The following CDKAL1 variants were observed in gnomAD, a reference collection of about 807,000 sequenced individuals.
CDKAL1 encodes threonylcarbamoyladenosine tRNA methylthiotransferase.
A neutral mutation model predicts 68.2 loss-of-function variants in CDKAL1; 32 were observed. The ratio of observed to expected loss-of-function variants is 0.47; its 90% CI spans 0.35 to 0.63. The LOEUF is 0.63. Among genes scored for constraint, CDKAL1 ranks in the 30% least tolerant of loss-of-function variants. The probability of loss-of-function intolerance (pLI) is 0.00; values close to 1 mark genes in which losing one functional copy is unlikely to be tolerated. For missense variants in CDKAL1, 606 were observed against 696.7 expected (o/e 0.87, Z 1.47); for synonymous variants, 234 against 244.3 (o/e 0.96, Z 0.39).
chr6:21,031,288 C>T (rs1036645391), intron 11 of CDKAL1, among the ~76,000 whole-genome samples: 4 of 151,618 alleles, frequency 2.6e-5, no homozygotes, highest in African/African-American at 9.7e-5. Flanking sequence ...TGTCTGCTTT[C>T]TTCGAAGCCC....
intron 4 of CDKAL1, among the ~76,000 whole-genome samples, chr6:20,627,729 C>T (rs1767495030): frequency 6.6e-6 from 1 of 152,016 alleles, no homozygotes; most frequent in Non-Finnish European, 1.5e-5. Flanking sequence ...TTGATAAGTT[C>T]CTCTGATAAT....
At chr6:20,848,146 C>T (rs1778443638) in intron 9 of CDKAL1, among the ~76,000 whole-genome samples, 1 of 95,024 alleles carries the variant, frequency 1.1e-5, no homozygotes, top group Non-Finnish European at 2.7e-5. Flanking sequence ...AAGTTACATG[C>T]TTATGCAAAC....
chr6:20,694,062 ATGTGTGTGTGTGTG>A (rs55981799), intron 5 of CDKAL1, among the ~76,000 whole-genome samples: 4 of 128,962 alleles, frequency 3.1e-5, no homozygotes, highest in East Asian at 2.4e-4. Context: ...GTGTGTGTGT[ATGTGTGTGTGTGTG>A]TGTGTGTGTG....
At chr6:20,669,798 C>G (rs747951124) in intron 5 of CDKAL1, among the ~76,000 whole-genome samples, 3 of 152,050 alleles carry the variant, frequency 2.0e-5, no homozygotes, top group Non-Finnish European at 4.4e-5. Context: ...GCCCTGGTTC[C>G]TTTCACTGGT....
intron 5 of CDKAL1, among the ~76,000 whole-genome samples, chr6:20,682,188 A>G (rs1298441619): frequency 6.6e-6 from 1 of 152,176 alleles, no homozygotes; most frequent in African/African-American, 2.4e-5. Context: ...AACACAGGCC[A>G]TCTCCCTCAA....
rs1767006166 is a variant in CDKAL1 at position 20,994,624 on chromosome 6, C to T, written c.910-5603C>T. Among the ~76,000 whole-genome samples, 6 of 152,284 alleles carry T rather than the reference C, an allele frequency of 3.9e-5. No homozygotes were observed. The South Asian group carries it at 1.2e-3, about 32-fold the overall frequency. ...CTCAGAGATACTGCAGGTTTGGTTCCAGACCTCTGCAAAATAGCAAATATC... is the reference window on the plus strand; with the variant it reads ...CTCAGAGATACTGCAGGTTTGGTTCTAGACCTCTGCAAAATAGCAAATATC... On this transcript the variant is annotated intron_variant, in intron 10 of 15. Transcript: ENST00000274695.
At chr6:20,829,919 C>T (rs536754431) in intron 8 of CDKAL1, among the ~76,000 whole-genome samples, 1 of 152,328 alleles carries the variant, frequency 6.6e-6, no homozygotes, top group East Asian at 1.9e-4. Context: ...TGCAGTGGCA[C>T]AATTTCAGCT....
intron 4 of CDKAL1, among the ~76,000 whole-genome samples, chr6:20,568,059 G>A (rs1764533487): frequency 6.6e-6 from 1 of 152,048 alleles, no homozygotes; most frequent in Non-Finnish European, 1.5e-5. Context: ...TGTACTTTTA[G>A]TAGAGACGGG....
intron 13 of CDKAL1, among the ~76,000 whole-genome samples, chr6:21,133,217 C>T (rs1281989379): frequency 2.6e-5 from 4 of 152,208 alleles, no homozygotes; most frequent in African/African-American, 9.6e-5. Flanking sequence ...TGCTTTGTTA[C>T]TATGTGGCAC....
intron 10 of CDKAL1, among the ~76,000 whole-genome samples, chr6:20,991,049 G>A (rs1474599921): frequency 6.6e-6 from 1 of 152,242 alleles, no homozygotes. Context: ...GGATAGGGAA[G>A]TAAGTGCTAA....
chr6:21,225,232 C>T (rs1030891036), intron 15 of CDKAL1, among the ~76,000 whole-genome samples: 1 of 152,078 alleles, frequency 6.6e-6, no homozygotes, highest in African/African-American at 2.4e-5. Flanking sequence ...AAAGCAAGTC[C>T]TGTCTTAGTT....
intron 8 of CDKAL1, among the ~76,000 whole-genome samples, chr6:20,790,579 C>T (rs1775857413): frequency 1.3e-5 from 2 of 152,190 alleles, no homozygotes; most frequent in South Asian, 2.1e-4. Context: ...ATCCAGGCCT[C>T]ACTCAGCCCT....
intron 4 of CDKAL1, among the ~76,000 whole-genome samples, chr6:20,580,867 G>GTAAC (rs1765116056): frequency 6.6e-6 from 1 of 151,654 alleles, no homozygotes; most frequent in Admixed American, 6.6e-5. Context: ...TCGGCTTACT[G>GTAAC]CAACCTCCAT....
intron 9 of CDKAL1, among the ~76,000 whole-genome samples, chr6:20,920,779 A>G (rs1377698785): frequency 6.6e-6 from 1 of 152,230 alleles, no homozygotes; most frequent in Non-Finnish European, 1.5e-5. Context: ...TCATTATTCA[A>G]ATACTCTTAG....
At chr6:20,563,812 A>C (rs1222906130) in intron 4 of CDKAL1, among the ~76,000 whole-genome samples, 1 of 152,204 alleles carries the variant, frequency 6.6e-6, no homozygotes, top group Admixed American at 6.5e-5. Context: ...TATACAAAAA[A>C]TACTAAAAGC....
intron 9 of CDKAL1, among the ~76,000 whole-genome samples, chr6:20,930,141 T>A (rs1282320781): frequency 6.6e-6 from 1 of 152,146 alleles, no homozygotes; most frequent in Non-Finnish European, 1.5e-5. Flanking sequence ...CTTAGTGAGC[T>A]AAAACGCAGA....
intron 11 of CDKAL1, among the ~76,000 whole-genome samples, chr6:21,043,268 T>C (rs1770033444): frequency 6.6e-6 from 1 of 152,180 alleles, no homozygotes; most frequent in Non-Finnish European, 1.5e-5. Flanking sequence ...TGTTGATTAA[T>C]TGAATTTTCC....
intron 11 of CDKAL1, among the ~76,000 whole-genome samples, chr6:21,031,654 G>A (rs141512862): frequency 8.6e-4 from 131 of 152,124 alleles, no homozygotes; most frequent in Non-Finnish European, 1.6e-3. Flanking sequence ...TCGGGATTGG[G>A]AGTGAGTAGA....
At chr6:20,903,175 T>C (rs968360208) in intron 9 of CDKAL1, among the ~76,000 whole-genome samples, 1 of 152,176 alleles carries the variant, frequency 6.6e-6, no homozygotes. Flanking sequence ...TCACTCTCTC[T>C]GTCACTCCTG....
Sources: gnomAD v4.1 joint callset for allele counts (sites outside exome capture counted in the v4.1 genomes callset) on GRCh38, gnomAD v4.1.1 for gene constraint, MANE v1.5 for transcripts, NCBI Gene and HGNC (gene_info 2026-07-23, HGNC 2026-07-21) for gene names.